APP: variants seen among roughly 807,000 people sequenced by gnomAD.
APP encodes the protein amyloid-beta precursor protein.
Under a neutral mutation model 101.4 loss-of-function variants are expected in APP, and 31 were observed. That is an observed-to-expected ratio of 0.31 (90% CI 0.23 to 0.41). The LOEUF is 0.41. Ranked by LOEUF, APP falls within the 10% of genes least tolerant of loss-of-function variation. The pLI is 1.00. For synonymous variants in APP, 366 were observed against 364.4 expected (o/e 1.00, Z -0.05); for missense variants, 839 against 1,003.7 (o/e 0.84, Z 2.22).
chr21:26,035,438 A>G (rs535338830), intron 5 of APP, among the ~76,000 whole-genome samples: 3 of 152,194 alleles, frequency 2.0e-5, no homozygotes, highest in South Asian at 4.2e-4. Context: ...CGGGGGAAAG[A>G]GAGGCATGGG....
intron 3 of APP, among the ~76,000 whole-genome samples, chr21:26,060,685 G>A (rs1292702348): frequency 6.6e-6 from 1 of 152,172 alleles, no homozygotes; most frequent in Non-Finnish European, 1.5e-5. Flanking sequence ...ATGCCTACTT[G>A]AAAATATGAC....
At chr21:25,977,146 T>C (rs1305125481) in intron 9 of APP, among the ~76,000 whole-genome samples, 2 of 152,224 alleles carry the variant, frequency 1.3e-5, no homozygotes, top group African/African-American at 4.8e-5. Flanking sequence ...CTCTCAACTT[T>C]GATGTTCACC....
chr21:25,969,876 GAA>G (rs1327431996), intron 11 of APP, among the ~76,000 whole-genome samples: 11 of 111,836 alleles, frequency 9.8e-5, no homozygotes, highest in Non-Finnish European at 1.4e-4. Flanking sequence ...AAAGAAAAGA[GAA>G]AAGAAAAGAG....
At position 25,897,587 on chromosome 21, in the gene APP, G is replaced by A; in HGVS notation, c.2050C>T (p.His684Tyr). 6.2e-7 allele frequency: 1 copy of A among 1,612,890 alleles called. No homozygotes were observed. Among genetic ancestry groups the A allele is most frequent in the Non-Finnish European group, 8.5e-7 (1 of 1,178,912 alleles). Reference protein sequence around the residue: ...EFRHDSGYEVHHQKLVFFAED... With the variant: ...EFRHDSGYEVYHQKLVFFAED... ...ATTTTACGTACCAATTTTTGATGATGAACTTCATATCCTGAGTCATGTCGG... is the reference window on the plus strand; with the variant it reads ...ATTTTACGTACCAATTTTTGATGATAAACTTCATATCCTGAGTCATGTCGG... The change falls in exon 16 of 18, where the codon CAT becomes TAT. Residue 684 changes from histidine (H) to tyrosine (Y), a missense_variant. His to Tyr is a moderately conservative substitution (Grantham distance 83, BLOSUM62 2). Transcript: ENST00000346798.
At chr21:25,974,034 G>T (rs2146567714) in intron 11 of APP, among the ~76,000 whole-genome samples, 1 of 149,456 alleles carries the variant, frequency 6.7e-6, no homozygotes, top group South Asian at 2.1e-4. Flanking sequence ...CTCTCCCACA[G>T]AATGCCGGTG....
intron 11 of APP, among the ~76,000 whole-genome samples, chr21:25,965,674 G>A (rs552437369): frequency 5.5e-4 from 84 of 152,314 alleles, no homozygotes; most frequent in Non-Finnish European, 1.0e-3. Flanking sequence ...AAGCTTATGC[G>A]AGATTGTGTT....
chr21:26,169,998 G>A (rs1052259365), intron 1 of APP, among the ~76,000 whole-genome samples: 2 of 152,188 alleles, frequency 1.3e-5, no homozygotes, highest in Admixed American at 6.5e-5. Context: ...CGCGAAAAGA[G>A]GTTGGAGCAA....
At chr21:26,037,574 G>A (rs2045175790) in intron 5 of APP, among the ~76,000 whole-genome samples, 1 of 152,196 alleles carries the variant, frequency 6.6e-6, no homozygotes, top group African/African-American at 2.4e-5. Flanking sequence ...AGTTATATCT[G>A]AGGTTGGACC....
chr21:25,941,253 A>C (rs909533147), intron 13 of APP: 2 of 152,228 alleles, frequency 1.3e-5, no homozygotes, highest in African/African-American at 4.8e-5. Context: ...TGGCTGGCAA[A>C]GTCAGACTCA....
intron 1 of APP, among the ~76,000 whole-genome samples, chr21:26,116,508 CTT>C (rs1050604883): frequency 1.8e-4 from 28 of 152,196 alleles, no homozygotes; most frequent in African/African-American, 6.0e-4. Context: ...AACAAGTTCT[CTT>C]GTTGTCCTTT....
intron 15 of APP, among the ~76,000 whole-genome samples, chr21:25,902,578 T>G (rs1013901413): frequency 2.0e-5 from 3 of 146,390 alleles, no homozygotes; most frequent in Non-Finnish European, 3.0e-5. Flanking sequence ...AAGCTTGGCT[T>G]AGGCCACCCT....
intron 6 of APP, among the ~76,000 whole-genome samples, chr21:26,004,121 T>A (rs929003317): frequency 8.5e-5 from 13 of 152,092 alleles, no homozygotes; most frequent in African/African-American, 3.1e-4. Context: ...AAAGTATGAA[T>A]AAGCACACAA....
At chr21:26,038,944 A>G (rs1433665278) in intron 5 of APP, among the ~76,000 whole-genome samples, 10 of 152,214 alleles carry the variant, frequency 6.6e-5, no homozygotes, top group Non-Finnish European at 1.5e-4. Context: ...AGGTAAAGAA[A>G]TAGGCTCAAA....
At chr21:25,955,548 G>T in intron 12 of APP, 79 bp downstream of exon 12, 1 of 1,606,074 alleles carries the variant, frequency 6.2e-7, no homozygotes, top group Non-Finnish European at 8.5e-7. Flanking sequence ...CGGAGAATGC[G>T]TGGGATCCTG....
intron 3 of APP, among the ~76,000 whole-genome samples, chr21:26,070,167 C>A (rs1172798901): frequency 6.6e-6 from 1 of 152,208 alleles, no homozygotes; most frequent in Non-Finnish European, 1.5e-5. Context: ...AATTTATCAA[C>A]ATCCCTTTTG....
intron 2 of APP, among the ~76,000 whole-genome samples, chr21:26,106,123 C>T (rs1024157613): frequency 6.6e-6 from 1 of 152,208 alleles, no homozygotes; most frequent in African/African-American, 2.4e-5. Context: ...CTAACACTAC[C>T]AGAGGTCGTG....
chr21:26,081,635 G>C (rs2061601524), intron 3 of APP, among the ~76,000 whole-genome samples: 1 of 152,222 alleles, frequency 6.6e-6, no homozygotes, highest in African/African-American at 2.4e-5. Flanking sequence ...GGATGGTTTA[G>C]CTTGGGCTCA....
chr21:26,134,320 A>G (rs1456221755), intron 1 of APP, among the ~76,000 whole-genome samples: 3 of 152,024 alleles, frequency 2.0e-5, no homozygotes, highest in African/African-American at 2.4e-5. Context: ...AACTCCCCCA[A>G]CTTCAGATGT....
chr21:25,988,372 C>T (rs900260784), intron 8 of APP, among the ~76,000 whole-genome samples: 1 of 152,052 alleles, frequency 6.6e-6, no homozygotes, highest in Admixed American at 6.6e-5. Context: ...ATCACTCTGG[C>T]TGCTATGGGA....
Sources: gnomAD v4.1 joint callset for allele counts (sites outside exome capture counted in the v4.1 genomes callset) on GRCh38, gnomAD v4.1.1 for gene constraint, MANE v1.5 for transcripts, NCBI Gene and HGNC (gene_info 2026-07-23, HGNC 2026-07-21) for gene names.